HERC3: variants seen among roughly 807,000 people sequenced by gnomAD.
The protein encoded by HERC3 is probable E3 ubiquitin-protein ligase HERC3.
HERC3 carries 58 observed loss-of-function variants against 129.9 expected under a neutral mutation model. That is an observed-to-expected ratio of 0.45 (90% CI 0.36 to 0.56). HERC3 has a LOEUF of 0.56. Ranked by LOEUF, HERC3 falls within the 20% of genes least tolerant of loss-of-function variation. The probability of loss-of-function intolerance (pLI) is 0.00; values close to 1 mark genes in which losing one functional copy is unlikely to be tolerated. For synonymous variants in HERC3, 430 were observed against 451.0 expected, an observed-to-expected ratio of 0.95 and a Z score of 0.59; for missense variants, 835 against 1,244.2, an observed-to-expected ratio of 0.67 and a Z score of 4.95.
At chr4:88,567,831 C>T in the HERC3 span, among the ~76,000 whole-genome samples, 1 of 152,090 alleles carries the variant, frequency 6.6e-6, no homozygotes, top group African/African-American at 2.4e-5. Flanking sequence ...TCATGTTTTC[C>T]TGGATGGTCT....
intron 23 of HERC3, among the ~76,000 whole-genome samples, chr4:88,699,346 TCTTCTTCC>T: frequency 2.6e-5 from 1 of 38,960 alleles, no homozygotes; most frequent in Non-Finnish European, 3.9e-5. Context: ...AGCCCCACCC[TCTTCTTCC>T]CCACCCTGCC....
intron 1 of HERC3, among the ~76,000 whole-genome samples, chr4:88,594,012 G>A (rs2149165517): frequency 6.6e-6 from 1 of 152,318 alleles, no homozygotes; most frequent in South Asian, 2.1e-4. Context: ...GGAACTTTCT[G>A]TAAAAAGTAT....
At chr4:88,539,456 G>C in the HERC3 span, among the ~76,000 whole-genome samples, 1 of 152,206 alleles carries the variant, frequency 6.6e-6, no homozygotes, top group Non-Finnish European at 1.5e-5. Flanking sequence ...GCTCAGCAAG[G>C]CCTACCACCT....
chr4:88,540,676 A>G, the HERC3 span, among the ~76,000 whole-genome samples: 1 of 152,212 alleles, frequency 6.6e-6, no homozygotes. Flanking sequence ...GAAGGAAAAA[A>G]TGTTAAGGGC....
intron 3 of HERC3, among the ~76,000 whole-genome samples, chr4:88,632,952 T>G (rs1043446632): frequency 6.6e-6 from 1 of 151,968 alleles, no homozygotes; most frequent in African/African-American, 2.4e-5. Context: ...TAATCAAACT[T>G]CTAAAAATTA....
chr4:88,599,836 T>A (rs1453371806), intron 2 of HERC3, among the ~76,000 whole-genome samples: 1 of 152,160 alleles, frequency 6.6e-6, no homozygotes, highest in Non-Finnish European at 1.5e-5. Flanking sequence ...TAGGAAAGAA[T>A]TACTTAGCGG....
chr4:88,555,618 T>G, the HERC3 span, among the ~76,000 whole-genome samples: 1 of 152,230 alleles, frequency 6.6e-6, no homozygotes, highest in Non-Finnish European at 1.5e-5. Flanking sequence ...ATTTTGTGTA[T>G]TTATTGAAAA....
At chr4:88,530,394 AAT>A in the HERC3 span, among the ~76,000 whole-genome samples, 1 of 152,178 alleles carries the variant, frequency 6.6e-6, no homozygotes, top group Non-Finnish European at 1.5e-5. Context: ...GTTTACATAT[AAT>A]GCATTCTTTC....
chr4:88,656,921 A>G (rs571610145), intron 9 of HERC3: 24 of 152,352 alleles, frequency 1.6e-4, no homozygotes, highest in African/African-American at 5.0e-4. Flanking sequence ...ATTCTAAATC[A>G]TGTGTACTAT....
chr4:88,706,414 T>C (rs1218596701), intron 25 of HERC3, among the ~76,000 whole-genome samples: 1 of 152,192 alleles, frequency 6.6e-6, no homozygotes, highest in Non-Finnish European at 1.5e-5. Flanking sequence ...GGTACAGGCA[T>C]CAGGCACTTG....
At chr4:88,625,273 T>A (rs1333172077) in intron 3 of HERC3, among the ~76,000 whole-genome samples, 1 of 152,186 alleles carries the variant, frequency 6.6e-6, no homozygotes, top group Non-Finnish European at 1.5e-5. Flanking sequence ...AATCTGTGGA[T>A]CAATTTGGGG....
At chr4:88,621,263 T>C (rs906861408) in intron 3 of HERC3, among the ~76,000 whole-genome samples, 8 of 152,134 alleles carry the variant, frequency 5.3e-5, no homozygotes, top group Admixed American at 1.3e-4. Context: ...CCCGCCACCA[T>C]ACCTGGCTAA....
chr4:88,684,808 G>A (rs1317872759), intron 21 of HERC3: 1 of 152,284 alleles, frequency 6.6e-6, no homozygotes, highest in Non-Finnish European at 1.5e-5. Flanking sequence ...AGTGGGCAAA[G>A]GATACGAACA....
chr4:88,677,923 G>A (rs370122842), intron 18 of HERC3, 41 bp from the exon 19 acceptor site: 8 of 1,584,648 alleles, frequency 5.0e-6, no homozygotes, highest in East Asian at 4.5e-5. Flanking sequence ...CAACTCACAC[G>A]TGTGCTCTGA....
intron 3 of HERC3, among the ~76,000 whole-genome samples, chr4:88,646,272 A>G (rs1310907961): frequency 6.6e-6 from 1 of 152,142 alleles, no homozygotes; most frequent in Admixed American, 6.5e-5. Flanking sequence ...TGGTTAAATG[A>G]CAAATTTACC....
chr4:88,570,265 C>T, the HERC3 span, among the ~76,000 whole-genome samples: 1 of 152,004 alleles, frequency 6.6e-6, no homozygotes, highest in Non-Finnish European at 1.5e-5. Context: ...TCATTTTTCT[C>T]AATAAAAAAT....
chr4:88,644,309 C>A (rs1163657112), intron 3 of HERC3, among the ~76,000 whole-genome samples: 8 of 152,076 alleles, frequency 5.3e-5, no homozygotes. Flanking sequence ...GTTAGGAAAA[C>A]TTATTGTCAT....
At chr4:88,586,822 A>G in the HERC3 span, among the ~76,000 whole-genome samples, 1 of 152,238 alleles carries the variant, frequency 6.6e-6, no homozygotes, top group Non-Finnish European at 1.5e-5. Context: ...TTGGGAAGAG[A>G]AAAACAAGTT....
chr4:88,581,536 C>T, the HERC3 span, among the ~76,000 whole-genome samples: 1 of 151,796 alleles, frequency 6.6e-6, no homozygotes, highest in Non-Finnish European at 1.5e-5. Flanking sequence ...GAACTCCTGA[C>T]CTCAGGTGAT....
Sources: gnomAD v4.1 joint callset for allele counts (sites outside exome capture counted in the v4.1 genomes callset) on GRCh38, gnomAD v4.1.1 for gene constraint, MANE v1.5 for transcripts, NCBI Gene and HGNC (gene_info 2026-07-23, HGNC 2026-07-21) for gene names.